Variants in PPP1R12A observed in about 807,000 individuals in gnomAD.
PPP1R12A encodes the protein protein phosphatase 1 regulatory subunit 12A.
In PPP1R12A, 19 loss-of-function variants were observed where a neutral mutation model predicts 139.6. The observed-to-expected ratio is 0.14, with a 90% confidence interval of 0.09 to 0.20. PPP1R12A has a LOEUF of 0.20. Among genes scored for constraint, PPP1R12A ranks in the 10% least tolerant of loss-of-function variants. The pLI is 1.00. For missense variants in PPP1R12A, 925 were observed against 1,211.5 expected (o/e 0.76, Z 3.51); for synonymous variants, 427 against 420.6 (o/e 1.02, Z -0.19).
At chr12:79,847,599 C>T (rs780747227) in intron 2 of PPP1R12A, among the ~76,000 whole-genome samples, 7 of 151,830 alleles carry the variant, frequency 4.6e-5, no homozygotes, top group African/African-American at 4.8e-5. Flanking sequence ...ATGTTACATA[C>T]CAGGAATATA....
Position 79,781,812 on chromosome 12 carries a change from T to TA in PPP1R12A, c.2955+2dup, listed in dbSNP as rs1459557289. ...ATAATTATTTAATAAGTGGGACACT[T>TA]ACCCTTTTTTCCATTTCCAACAGTG... On this transcript the variant is annotated splice_region_variant and intron_variant, in intron 23 of 24. Transcript: ENST00000450142. The TA allele has an allele frequency of 6.6e-7, 1 of 1,512,410 alleles. No homozygotes were observed. The highest frequency in any genetic ancestry group is 8.9e-7 in the Non-Finnish European group (1 of 1,117,372). 93.7% of individuals were successfully genotyped at this position (1,512,410 alleles called of 1,614,324 possible). A position where few individuals can be genotyped will look rare whatever the true frequency, so the allele number is the denominator to read the frequency against.
At chr12:79,846,427 T>C (rs889190289) in intron 2 of PPP1R12A, among the ~76,000 whole-genome samples, 4 of 138,698 alleles carry the variant, frequency 2.9e-5, no homozygotes, top group African/African-American at 9.9e-5. Context: ...AGTCAATTTC[T>C]TTTTTCTCTC....
Position 79,821,117 on chromosome 12 carries a change from G to A in PPP1R12A, c.917C>T (p.Ala306Val), listed in dbSNP as rs768656544. 3.6e-5 allele frequency: 58 copies of A among 1,612,966 alleles called. No homozygotes were observed. In the Admixed American group the frequency reaches 9.7e-4, roughly 27 times the overall value. The change falls in exon 7 of 25, where the codon GCA becomes GTA. Residue 306 changes from alanine (A) to valine (V), a missense_variant. Coordinates refer to ENST00000450142, the MANE Select transcript of PPP1R12A (RefSeq NM_002480.3). The stretch of plus-strand genomic sequence containing the variant: ...CTGTGACTGATTATTGTCCATATTT[G>A]CTGTTGATTCAATTAGTGGAGATTT... ...DKKSPLIEST[A>V]NMDNNQSQKT...
intron 19 of PPP1R12A, among the ~76,000 whole-genome samples, chr12:79,792,149 C>T (rs928075617): frequency 6.6e-6 from 1 of 152,162 alleles, no homozygotes; most frequent in Non-Finnish European, 1.5e-5. Flanking sequence ...TTTCTGGACA[C>T]ATAATATCTA....
At chr12:79,926,855 A>G (rs1345258444) in intron 1 of PPP1R12A, among the ~76,000 whole-genome samples, 3 of 152,150 alleles carry the variant, frequency 2.0e-5, no homozygotes, top group Non-Finnish European at 4.4e-5. Context: ...AAAGAATCAA[A>G]TATGTACATG....
At chr12:79,830,004 G>A (rs896319787) in intron 4 of PPP1R12A, among the ~76,000 whole-genome samples, 2 of 151,932 alleles carry the variant, frequency 1.3e-5, no homozygotes, top group Non-Finnish European at 2.9e-5. Flanking sequence ...GTGTTTGGGA[G>A]GGAGAGAAAA....
rs949147424 is a variant in PPP1R12A at position 79,881,491 on chromosome 12, A to G, written c.238-8553T>C. Among the ~76,000 whole-genome samples, 7 of 152,198 alleles carry G rather than the reference A, an allele frequency of 4.6e-5. No homozygotes were observed. In the East Asian group the frequency reaches 1.4e-3, roughly 29 times the overall value. On this transcript the variant is annotated intron_variant, in intron 1 of 24. Transcript: ENST00000450142. ...TAAGGCCCCAGCTCTCTTCAATTCTATGAAGCCCAAGAGAGGTGAGGAAGC... is the reference window on the plus strand; with the variant it reads ...TAAGGCCCCAGCTCTCTTCAATTCTGTGAAGCCCAAGAGAGGTGAGGAAGC...
At chr12:79,877,639 C>G (rs1484559304) in intron 1 of PPP1R12A, among the ~76,000 whole-genome samples, 1 of 152,120 alleles carries the variant, frequency 6.6e-6, no homozygotes, top group Non-Finnish European at 1.5e-5. Context: ...CATCAGCCTC[C>G]TAGGTAGCTG....
chr12:79,935,076 T>C lies in PPP1R12A; in HGVS notation c.-145A>G. On this transcript the variant is annotated 5_prime_UTR_variant, in exon 1 of 25. Transcript: ENST00000450142. The stretch of plus-strand genomic sequence containing the variant: ...GGAACCCGGAGCCGACGCTCGAGAC[T>C]TCCAGTATCCCACAGAGCACTGGGG... 1 of 1,407,770 alleles carries C rather than the reference T, an allele frequency of 7.1e-7. No individual in the cohort carries two copies. The highest frequency in any genetic ancestry group is 2.7e-5 in the East Asian group (1 of 36,756). 87.2% of individuals were successfully genotyped at this position (1,407,770 alleles called of 1,614,324 possible).
intron 22 of PPP1R12A, among the ~76,000 whole-genome samples, chr12:79,785,952 A>C (rs1565737361): frequency 6.6e-6 from 1 of 152,204 alleles, no homozygotes. Context: ...TTACAAAAGG[A>C]GTTATGATTA....
chr12:79,776,224 G>T (rs1020084676), intron 24 of PPP1R12A, among the ~76,000 whole-genome samples: 1 of 152,070 alleles, frequency 6.6e-6, no homozygotes, highest in Non-Finnish European at 1.5e-5. Flanking sequence ...ATGCTGGAAT[G>T]AAAGGTTTAT....
Sources: allele counts gnomAD v4.1 joint callset (sites outside exome capture counted in the v4.1 genomes callset), GRCh38; gene constraint gnomAD v4.1.1; transcripts MANE v1.5; gene names NCBI Gene and HGNC (gene_info 2026-07-23, HGNC 2026-07-21).